SLC4A4: variants seen among roughly 807,000 people sequenced by gnomAD.
The protein encoded by SLC4A4 is solute carrier family 4 member 4, also known as electrogenic sodium bicarbonate cotransporter 1.
In SLC4A4, 27 loss-of-function variants were observed where a neutral mutation model predicts 111.5. The ratio of observed to expected loss-of-function variants is 0.24; its 90% CI spans 0.18 to 0.33. The LOEUF is 0.33. SLC4A4 is among the 10% of genes least tolerant of loss of function. The pLI is 1.00. For synonymous variants in SLC4A4, 443 were observed against 463.4 expected, an observed-to-expected ratio of 0.96 and a Z score of 0.57; for missense variants, 909 against 1,315.5, an observed-to-expected ratio of 0.69 and a Z score of 4.78.
chr4:71,558,245 A>G (rs372632815), intron 22 of SLC4A4, among the ~76,000 whole-genome samples: 3 of 152,108 alleles, frequency 2.0e-5, no homozygotes, highest in East Asian at 3.9e-4. Flanking sequence ...GTGCATGTTA[A>G]TTACTTTTTA....
At chr4:71,566,910 C>A (rs2149260803) in intron 24 of SLC4A4, 94 bp from the exon 25 acceptor site, 3 of 919,240 alleles carry the variant, frequency 3.3e-6, no homozygotes, top group Non-Finnish European at 5.2e-6. Context: ...TTACTCTTAC[C>A]AGTTATGGAA....
At chr4:71,235,255 A>G (rs1339059194) in intron 1 of SLC4A4, among the ~76,000 whole-genome samples, 4 of 152,210 alleles carry the variant, frequency 2.6e-5, no homozygotes. Context: ...CTCACTTTTT[A>G]TGTTATGATG....
chr4:71,266,045 A>G (rs1355257855), intron 3 of SLC4A4, among the ~76,000 whole-genome samples: 1 of 152,198 alleles, frequency 6.6e-6, no homozygotes, highest in Non-Finnish European at 1.5e-5. Context: ...GTCTTTGTTC[A>G]GCCACAAGAT....
intron 9 of SLC4A4, 78 bp from the exon 10 acceptor site, chr4:71,450,311 C>A (rs1725641693): frequency 2.0e-6 from 2 of 1,010,168 alleles, no homozygotes; most frequent in Admixed American, 3.4e-5. Flanking sequence ...TTATGGGCTG[C>A]ATTCTTCAGG....
intron 1 of SLC4A4, among the ~76,000 whole-genome samples, chr4:71,069,590 A>G (rs1741614416): frequency 6.6e-6 from 1 of 152,066 alleles, no homozygotes; most frequent in Non-Finnish European, 1.5e-5. Flanking sequence ...TCTCTCATAT[A>G]TTTTCCAAAT....
chr4:71,122,615 C>T (rs921439779), intron 2 of SLC4A4, among the ~76,000 whole-genome samples: 3 of 151,972 alleles, frequency 2.0e-5, no homozygotes, highest in African/African-American at 7.3e-5. Flanking sequence ...AGATGTAGGA[C>T]CTAAAACAGA....
At chr4:71,141,345 C>G (rs1332118314) in intron 2 of SLC4A4, among the ~76,000 whole-genome samples, 1 of 152,190 alleles carries the variant, frequency 6.6e-6, no homozygotes, top group African/African-American at 2.4e-5. Flanking sequence ...CTGTTACATA[C>G]AGAGCCATGT....
intron 9 of SLC4A4, among the ~76,000 whole-genome samples, chr4:71,448,304 A>C (rs561426967): frequency 7.4e-6 from 1 of 135,148 alleles, no homozygotes; most frequent in Admixed American, 8.1e-5. Flanking sequence ...TGGGCAACAG[A>C]GCGAGATTCC....
intron 6 of SLC4A4, among the ~76,000 whole-genome samples, chr4:71,378,908 T>A (rs147361143): frequency 6.6e-6 from 1 of 152,232 alleles, no homozygotes; most frequent in Admixed American, 6.5e-5. Context: ...GGCCAAAAAG[T>A]CCCTGTCATC....
intron 1 of SLC4A4, among the ~76,000 whole-genome samples, chr4:71,089,932 A>G (rs548177862): frequency 0.29 from 19,219 of 66,534 alleles, 4,581 homozygotes; most frequent in East Asian, 0.49. Flanking sequence ...CTGTCAGAAA[A>G]GGGCATTTAA....
intron 2 of SLC4A4, among the ~76,000 whole-genome samples, chr4:71,242,799 AAT>A (rs1299238898): frequency 0.019 from 2,903 of 152,024 alleles, 92 homozygotes; most frequent in African/African-American, 0.067. Flanking sequence ...CTTTTCTACA[AAT>A]CGTAACTGGT....
chr4:71,376,067 A>G (rs1029958163), intron 6 of SLC4A4, among the ~76,000 whole-genome samples: 27 of 148,004 alleles, frequency 1.8e-4, no homozygotes, highest in African/African-American at 6.9e-4. Context: ...ATATATATAC[A>G]TATACACGTA....
chr4:71,497,883 T>C (rs1730558590), intron 16 of SLC4A4, among the ~76,000 whole-genome samples, 191 bp downstream of exon 16: 1 of 152,146 alleles, frequency 6.6e-6, no homozygotes, highest in Non-Finnish European at 1.5e-5. Context: ...TTGGAAAACC[T>C]TCCAAGGACT....
rs549556252 is a variant in SLC4A4, at chr4:71,230,675, C to A, written c.-1-5901C>A. Among the ~76,000 whole-genome samples the A allele has an allele frequency of 3.3e-5, 5 of 152,316 alleles. No individual in the cohort carries two copies. The South Asian group carries it at 1.0e-3, about 32-fold the overall frequency. ...GCCCTGCTGCTCTCTAGGGTGCCAT[C>A]CCCGATGCCTTTTGGGATGGAATCA... is the stretch of plus-strand genomic sequence containing the variant. On this transcript the variant is annotated intron_variant, in intron 1 of 25. Coordinates refer to ENST00000264485, the MANE Select transcript of SLC4A4 (RefSeq NM_001098484.3).
intron 2 of SLC4A4, among the ~76,000 whole-genome samples, chr4:71,172,338 C>A (rs1466956719): frequency 2.0e-5 from 3 of 152,022 alleles, no homozygotes; most frequent in East Asian, 1.9e-4. Flanking sequence ...TCACTGCAAC[C>A]TCTGCCTCAT....
At chr4:71,128,836 T>C (rs746621767) in intron 2 of SLC4A4, among the ~76,000 whole-genome samples, 3 of 152,188 alleles carry the variant, frequency 2.0e-5, no homozygotes, top group Non-Finnish European at 2.9e-5. Flanking sequence ...TAAGCTGGCC[T>C]GAATTACTCT....
chr4:71,478,046 A>G (rs773666605), intron 14 of SLC4A4, among the ~76,000 whole-genome samples: 41 of 152,146 alleles, frequency 2.7e-4, no homozygotes, highest in Middle Eastern at 6.8e-3. Context: ...GGGAAATGCA[A>G]ATCAAAACCA....
At chr4:71,286,005 G>A (rs556889637) in intron 3 of SLC4A4, among the ~76,000 whole-genome samples, 3 of 152,158 alleles carry the variant, frequency 2.0e-5, no homozygotes, top group Non-Finnish European at 2.9e-5. Flanking sequence ...TTGGGAGGCC[G>A]AGGTGGGTGG....
chr4:71,410,053 T>A (rs1721227030), intron 7 of SLC4A4, among the ~76,000 whole-genome samples: 1 of 152,104 alleles, frequency 6.6e-6, no homozygotes. Context: ...TCAGAAGATG[T>A]ATGGAAATGC....
Sources: allele counts gnomAD v4.1 joint callset (sites outside exome capture counted in the v4.1 genomes callset), GRCh38; gene constraint gnomAD v4.1.1; transcripts MANE v1.5; gene names NCBI Gene and HGNC (gene_info 2026-07-23, HGNC 2026-07-21).